Variants in UGCG observed in about 807,000 individuals in gnomAD.
UGCG encodes UDP-glucose ceramide glucosyltransferase.
In UGCG, 10 loss-of-function variants were observed where a neutral mutation model predicts 49.5. The ratio of observed to expected loss-of-function variants is 0.20; its 90% CI spans 0.12 to 0.34. The LOEUF (loss-of-function observed/expected upper bound fraction) is 0.34, where lower values mean the gene tolerates loss of function less well. Ranked by LOEUF, UGCG falls within the 10% of genes least tolerant of loss-of-function variation. UGCG has a pLI of 1.00. For missense variants in UGCG, 312 were observed against 483.7 expected, an observed-to-expected ratio of 0.65 and a Z score of 3.33; for synonymous variants, 182 against 158.2, an observed-to-expected ratio of 1.15 and a Z score of -1.13.
In UGCG at chr9:111,909,230, T is replaced by A. The variant is rs140630449; in HGVS notation, c.99-5375T>A. Among the ~76,000 whole-genome samples the A allele has an allele frequency of 5.2e-3, 790 of 152,320 alleles. 6 individuals carry two copies. Among genetic ancestry groups the A allele is most frequent in the African/African-American group, 0.018 (757 of 41,582 alleles). ...CCACTGCACCAGCCCACAAGGCTAC[T>A]TCTGACCTTGGAAACTCTTCTTTAT... On this transcript the variant is annotated intron_variant, in intron 1 of 8. Coordinates refer to ENST00000374279, the MANE Select transcript of UGCG (RefSeq NM_003358.3).
intron 5 of UGCG, 54 bp from the exon 6 acceptor site, chr9:111,929,446 A>T: frequency 6.4e-7 from 1 of 1,556,926 alleles, no homozygotes; most frequent in Admixed American, 2.0e-5. Flanking sequence ...GTTCGTGAAC[A>T]CCATGCTTTT....
chr9:111,906,328 C>T (rs1757983348), intron 1 of UGCG, among the ~76,000 whole-genome samples: 1 of 152,232 alleles, frequency 6.6e-6, no homozygotes, highest in Admixed American at 6.5e-5. Flanking sequence ...CATTCCCCCT[C>T]CAGCAATACC....
rs546750008 is a variant in UGCG, at chr9:111,897,153, C to A, written c.-63C>A. On this transcript the variant is annotated 5_prime_UTR_variant, in exon 1 of 9. Transcript: ENST00000374279. ...CACCGGGCGCCCACCCTGTCCTCCT[C>A]CTGCGGGAGCGTTGTCCGTGTTGGC... 2.7e-5 allele frequency: 39 copies of A among 1,464,188 alleles called. No homozygotes were observed. The African/African-American group carries it at 3.5e-4, about 13-fold the overall frequency. 90.7% of individuals were successfully genotyped at this position (1,464,188 alleles called of 1,614,324 possible). A position where few individuals can be genotyped will look rare whatever the true frequency, so the allele number is the denominator to read the frequency against.
At chr9:111,924,509 G>T (rs187556751) in intron 3 of UGCG, among the ~76,000 whole-genome samples, 382 of 152,124 alleles carry the variant, frequency 2.5e-3, no homozygotes, top group Admixed American at 5.2e-3. Context: ...ATTAAATATT[G>T]ACTCATACTT....
chr9:111,915,916 A>G, intron 2 of UGCG: 2 of 794,954 alleles, frequency 2.5e-6, no homozygotes, highest in Non-Finnish European at 3.0e-6. Flanking sequence ...TTTAGAAGCC[A>G]ATTTTGGAGT....
Position 111,931,329 on chromosome 9 carries a change from A to G in UGCG, c.796A>G (p.Ile266Val), listed in dbSNP as rs139123387. Residue 266 changes from isoleucine (I) to valine (V), a missense_variant, in exon 7 of 9, where the codon ATT becomes GTT. Physicochemically the swap from Ile to Val is conservative, Grantham distance 29. Transcript: ENST00000374279. ...VAMQNSGSYS[I>V]SQFQSRMIRW... The stretch of plus-strand genomic sequence containing the variant: ...AATGCAAAACTCTGGCTCATATTCA[A>G]TTTCTCAGTTTCAATCCAGAATGAT... 5.8e-5 allele frequency: 94 copies of G among 1,613,698 alleles called. No individual in the cohort carries two copies. Among genetic ancestry groups the G allele is most frequent in the Middle Eastern group, 1.6e-4 (1 of 6,072 alleles).
At chr9:111,910,300 A>C (rs1034380371) in intron 1 of UGCG, among the ~76,000 whole-genome samples, 1 of 152,214 alleles carries the variant, frequency 6.6e-6, no homozygotes, top group Non-Finnish European at 1.5e-5. Context: ...TCTCTCTGCT[A>C]CTTAGCCAGC....
intron 2 of UGCG, 153 bp downstream of exon 2, chr9:111,914,899 C>G: frequency 9.0e-7 from 1 of 1,116,486 alleles, no homozygotes; most frequent in Non-Finnish European, 1.2e-6. Flanking sequence ...TAGTAGTCAT[C>G]ACAGAACAGA....
intron 7 of UGCG, 109 bp from the exon 8 acceptor site, chr9:111,932,061 A>G (rs769052661): frequency 5.1e-6 from 6 of 1,171,356 alleles, no homozygotes; most frequent in African/African-American, 1.6e-5. Flanking sequence ...TTTAAAGAGA[A>G]TGGTCTTTCT....
intron 2 of UGCG, among the ~76,000 whole-genome samples, chr9:111,922,540 A>G (rs1277195565): frequency 6.6e-6 from 1 of 152,206 alleles, no homozygotes; most frequent in East Asian, 1.9e-4. Context: ...GGCCATGGAC[A>G]AGCTTGAGAT....
Position 111,901,426 on chromosome 9 carries a change from A to G in UGCG, c.98+4113A>G, listed in dbSNP as rs930514362. On this transcript the variant is annotated intron_variant, in intron 1 of 8. Coordinates refer to ENST00000374279, the MANE Select transcript of UGCG (RefSeq NM_003358.3). Reference sequence around the variant, plus strand: ...CAGTCAGGATCATTGCTACAGGGCTACTTTCAGGGAAATGAATAAGGCAGT... The same window carrying G: ...CAGTCAGGATCATTGCTACAGGGCTGCTTTCAGGGAAATGAATAAGGCAGT... Among the ~76,000 whole-genome samples, 10 of 152,324 alleles carry G rather than the reference A, an allele frequency of 6.6e-5. 1 individual carries two copies. The highest frequency in any genetic ancestry group is 2.2e-4 in the African/African-American group (9 of 41,570).
intron 1 of UGCG, among the ~76,000 whole-genome samples, chr9:111,912,048 A>G (rs1420875907): frequency 7.0e-6 from 1 of 142,466 alleles, no homozygotes; most frequent in African/African-American, 2.6e-5. Context: ...ATATATATAT[A>G]TATATCCTGT....
chr9:111,919,104 A>G (rs181617912), intron 2 of UGCG, among the ~76,000 whole-genome samples: 13 of 152,280 alleles, frequency 8.5e-5, no homozygotes, highest in Admixed American at 2.0e-4. Flanking sequence ...TTGCTGGGGA[A>G]AATAAAAGCT....
intron 6 of UGCG, among the ~76,000 whole-genome samples, chr9:111,930,517 G>T (rs1450127360): frequency 1.5e-4 from 22 of 150,644 alleles, no homozygotes; most frequent in Middle Eastern, 3.4e-3. Flanking sequence ...ATCCAGGCTG[G>T]AGTGCAGTGG....
At chr9:111,914,956 G>A in intron 2 of UGCG, 1 of 554,064 alleles carries the variant, frequency 1.8e-6, no homozygotes, top group Non-Finnish European at 2.9e-6. Context: ...CCACCTATAT[G>A]TCCGTGTGAA....
intron 3 of UGCG, among the ~76,000 whole-genome samples, chr9:111,923,546 A>T (rs1267030636): frequency 3.3e-5 from 5 of 152,210 alleles, no homozygotes. Flanking sequence ...GGACCATTAC[A>T]AATCTATCAG....
chr9:111,914,050 A>G (rs540484274), intron 1 of UGCG, among the ~76,000 whole-genome samples: 1 of 152,176 alleles, frequency 6.6e-6, no homozygotes, highest in East Asian at 1.9e-4. Context: ...AATTTCTCAG[A>G]AAGTTCTGGT....
intron 1 of UGCG, among the ~76,000 whole-genome samples, chr9:111,908,420 A>G (rs1347695820): frequency 6.6e-6 from 1 of 152,174 alleles, no homozygotes; most frequent in African/African-American, 2.4e-5. Context: ...CCTTGAGGGG[A>G]GCATAGTACG....
chr9:111,926,539 C>G (rs1352781309), intron 5 of UGCG, 43 bp downstream of exon 5: 1 of 1,437,678 alleles, frequency 7.0e-7, no homozygotes, highest in Non-Finnish European at 9.5e-7. Flanking sequence ...TATCAGACCC[C>G]TCATTTCCCA....
Sources: allele counts gnomAD v4.1 joint callset (sites outside exome capture counted in the v4.1 genomes callset), GRCh38; gene constraint gnomAD v4.1.1; transcripts MANE v1.5; gene names NCBI Gene and HGNC (gene_info 2026-07-23, HGNC 2026-07-21).